SEMA6D: variants seen among roughly 807,000 people sequenced by gnomAD.
The protein encoded by SEMA6D is semaphorin 6D, also known as semaphorin-6D.
Under a neutral mutation model 106.6 loss-of-function variants are expected in SEMA6D, and 35 were observed. That is an observed-to-expected ratio of 0.33 (90% confidence interval 0.25 to 0.44). The LOEUF (loss-of-function observed/expected upper bound fraction) is 0.44, where lower values mean the gene tolerates loss of function less well. SEMA6D is among the 20% of genes least tolerant of loss of function. The pLI is 1.00. For missense variants in SEMA6D, 1,185 were observed against 1,345.9 expected (o/e 0.88, Z 1.87); for synonymous variants, 499 against 487.7 (o/e 1.02, Z -0.31).
chr15:47,484,627 C>G (rs531609624), intron 3 of SEMA6D, among the ~76,000 whole-genome samples: 1 of 152,122 alleles, frequency 6.6e-6, no homozygotes, highest in South Asian at 2.1e-4. Flanking sequence ...AATATTTTAT[C>G]CCCTAATCAG....
At chr15:47,623,064 C>T (rs755609987) in intron 4 of SEMA6D, among the ~76,000 whole-genome samples, 3 of 152,174 alleles carry the variant, frequency 2.0e-5, no homozygotes, top group African/African-American at 7.2e-5. Flanking sequence ...TCTCTTCCCC[C>T]CTCCCTCTCC....
In SEMA6D at chr15:47,228,347, A is replaced by G. The variant is rs1595775835; in HGVS notation, c.-239+43929A>G. On this transcript the variant is annotated intron_variant, in intron 1 of 19. Transcript: ENST00000558014. ...GGTACTTTTGACCTGGGGCAAGTTT[A>G]CTGCTTATTTCTTTCCTTGGGTTAA... is the stretch of plus-strand genomic sequence containing the variant. Among the ~76,000 whole-genome samples, 4 of 151,980 alleles carry G rather than the reference A, an allele frequency of 2.6e-5. 1 individual carries two copies. The South Asian group carries it at 8.3e-4, about 32-fold the overall frequency.
chr15:47,187,618 A>T (rs1008473034), intron 1 of SEMA6D, among the ~76,000 whole-genome samples: 3 of 152,298 alleles, frequency 2.0e-5, no homozygotes, highest in Middle Eastern at 6.8e-3. Context: ...ATTTATTTGT[A>T]CTATATACTA....
chr15:47,574,756 A>G lies in SEMA6D; in HGVS notation c.-86-26109A>G, dbSNP rs1021592289. 3.9e-5 allele frequency among the ~76,000 whole-genome samples: 6 copies of G among 152,330 alleles called. No individual in the cohort carries two copies. The South Asian group carries it at 1.2e-3, about 32-fold the overall frequency. On this transcript the variant is annotated intron_variant, in intron 3 of 19. Coordinates refer to the SEMA6D transcript ENST00000558014. ...GTTCTTACATGTGGCACATTTAAAT[A>G]AAACAATTATTGACTAAGATCTCAG...
intron 4 of SEMA6D, among the ~76,000 whole-genome samples, chr15:47,671,900 G>A (rs2078144933): frequency 6.6e-6 from 1 of 152,114 alleles, no homozygotes; most frequent in Non-Finnish European, 1.5e-5. Flanking sequence ...TGTGGGTGAG[G>A]ATGTTTGTAA....
At chr15:47,416,350 C>G (rs998406643) in intron 2 of SEMA6D, among the ~76,000 whole-genome samples, 1 of 152,068 alleles carries the variant, frequency 6.6e-6, no homozygotes, top group Admixed American at 6.6e-5. Context: ...CATGTTAGAA[C>G]TTAATTTAAA....
At chr15:47,234,596 G>A (rs1200919718) in intron 1 of SEMA6D, among the ~76,000 whole-genome samples, 2 of 151,958 alleles carry the variant, frequency 1.3e-5, no homozygotes, top group African/African-American at 4.8e-5. Flanking sequence ...AGAACATATG[G>A]CATTTGATTG....
At chr15:47,578,404 G>GT (rs1373965365) in intron 3 of SEMA6D, among the ~76,000 whole-genome samples, 1 of 152,144 alleles carries the variant, frequency 6.6e-6, no homozygotes, top group African/African-American at 2.4e-5. Context: ...TTTTGTGTTT[G>GT]TTTATGTGCG....
At chr15:47,352,419 A>G (rs1450140172) in intron 1 of SEMA6D, among the ~76,000 whole-genome samples, 5 of 151,952 alleles carry the variant, frequency 3.3e-5, no homozygotes, top group Non-Finnish European at 7.4e-5. Context: ...TGCCTTGGAA[A>G]CTCAAGAGAG....
intron 1 of SEMA6D, chr15:47,274,503 A>G (rs527806857): frequency 6.6e-6 from 1 of 152,182 alleles, no homozygotes; most frequent in Non-Finnish European, 1.5e-5. Context: ...CAATAAATAC[A>G]TAGTAAAAAT....
At chr15:47,686,177 C>T (rs2145675172) in intron 4 of SEMA6D, among the ~76,000 whole-genome samples, 1 of 152,174 alleles carries the variant, frequency 6.6e-6, no homozygotes, top group Middle Eastern at 3.4e-3. Context: ...TCTACCTGTT[C>T]CCAGTAAGAT....
Position 47,514,515 on chromosome 15 carries a change from C to CT in SEMA6D, c.-87+43976dup, listed in dbSNP as rs1168649232. 3.9e-5 allele frequency among the ~76,000 whole-genome samples: 6 copies of CT among 152,304 alleles called. No individual in the cohort carries two copies. In the East Asian group the frequency reaches 9.7e-4, roughly 25 times the overall value. Reference sequence around the variant, plus strand: ...TCCCCATTTCAGTTGATTACCACTCCTTTTTTCAGCGGCTTTAGTCAAATA... The same window carrying CT: ...TCCCCATTTCAGTTGATTACCACTCCTTTTTTTCAGCGGCTTTAGTCAAATA... On this transcript the variant is annotated intron_variant, in intron 3 of 19. Transcript: ENST00000558014.
intron 1 of SEMA6D, among the ~76,000 whole-genome samples, chr15:47,312,369 T>C (rs150722538): frequency 4.5e-4 from 68 of 152,274 alleles, no homozygotes; most frequent in African/African-American, 1.6e-3. Context: ...CTTTCCTTAT[T>C]CTCTATAATT....
chr15:47,239,206 A>G (rs1055331032), intron 1 of SEMA6D, among the ~76,000 whole-genome samples: 18 of 152,170 alleles, frequency 1.2e-4, no homozygotes, highest in African/African-American at 3.6e-4. Context: ...CCTTATGACA[A>G]TCTAATGCCT....
chr15:47,530,022 A>G (rs569661414), intron 3 of SEMA6D, among the ~76,000 whole-genome samples: 31 of 152,316 alleles, frequency 2.0e-4, no homozygotes, highest in African/African-American at 7.0e-4. Context: ...TCTCACTGCC[A>G]TAGGGAGGAG....
At chr15:47,701,298 T>A (rs1317089671) in intron 4 of SEMA6D, among the ~76,000 whole-genome samples, 1 of 152,094 alleles carries the variant, frequency 6.6e-6, no homozygotes, top group Non-Finnish European at 1.5e-5. Context: ...TTCATCTGTA[T>A]GTGAAATCTA....
At chr15:47,388,374 G>A (rs2039911737) in intron 1 of SEMA6D, among the ~76,000 whole-genome samples, 1 of 152,042 alleles carries the variant, frequency 6.6e-6, no homozygotes, top group Non-Finnish European at 1.5e-5. Flanking sequence ...AATATGAAAT[G>A]GAAAATCTCA....
At chr15:47,744,815 G>A (rs934677030) in intron 1 of SEMA6D, among the ~76,000 whole-genome samples, 4 of 152,196 alleles carry the variant, frequency 2.6e-5, no homozygotes, top group African/African-American at 9.7e-5. Flanking sequence ...AAACTTAGAA[G>A]TGTGAATTGG....
intron 3 of SEMA6D, among the ~76,000 whole-genome samples, chr15:47,523,364 G>A (rs989249830): frequency 3.3e-5 from 5 of 152,112 alleles, no homozygotes; most frequent in African/African-American, 1.2e-4. Context: ...TCACCAGGGG[G>A]CTTCCCAATG....
Sources: allele counts gnomAD v4.1 joint callset (sites outside exome capture counted in the v4.1 genomes callset), GRCh38; gene constraint gnomAD v4.1.1; transcripts MANE v1.5; gene names NCBI Gene and HGNC (gene_info 2026-07-23, HGNC 2026-07-21).